The following VWC2L variants were observed in gnomAD, a reference collection of about 807,000 sequenced individuals.
The protein encoded by VWC2L is von Willebrand factor C domain-containing protein 2-like.
VWC2L carries 10 observed loss-of-function variants against 21.6 expected under a neutral mutation model. The observed-to-expected ratio is 0.46, with a 90% CI of 0.29 to 0.78. The LOEUF (loss-of-function observed/expected upper bound fraction) is 0.78, where lower values mean the gene tolerates loss of function less well. Ranked by LOEUF, VWC2L falls within the 30% of genes least tolerant of loss-of-function variation. The pLI is 0.10. For missense variants in VWC2L, 209 were observed against 277.1 expected, an observed-to-expected ratio of 0.75 and a Z score of 1.74; for synonymous variants, 96 against 94.3, an observed-to-expected ratio of 1.02 and a Z score of -0.10.
chr2:214,450,356 C>T (rs1482041316), intron 3 of VWC2L, among the ~76,000 whole-genome samples: 3 of 152,134 alleles, frequency 2.0e-5, no homozygotes, highest in East Asian at 3.9e-4. Flanking sequence ...AGCTGTTCAA[C>T]CCATCACTAT....
rs148556949 is a variant in VWC2L at position 214,532,103 on chromosome 2, G to T, written c.521-43569G>T. On this transcript the variant is annotated intron_variant, in intron 3 of 3. Transcript: ENST00000312504. ...CATGAAATGCAAAGGTAACCATAGA[G>T]ATAGGAAACCTAGGCCAGAGACTGA... Among the ~76,000 whole-genome samples, 3 of 152,248 alleles carry T rather than the reference G, an allele frequency of 2.0e-5. No homozygotes were observed. In the East Asian group the frequency reaches 5.8e-4, roughly 29 times the overall value.
At chr2:214,529,095 G>C (rs1003634592) in intron 3 of VWC2L, among the ~76,000 whole-genome samples, 1 of 152,120 alleles carries the variant, frequency 6.6e-6, no homozygotes, top group Non-Finnish European at 1.5e-5. Context: ...ACAATCACAA[G>C]CTAGACAATG....
intron 3 of VWC2L, among the ~76,000 whole-genome samples, chr2:214,495,115 T>A (rs887157005): frequency 6.6e-6 from 1 of 152,066 alleles, no homozygotes; most frequent in African/African-American, 2.4e-5. Flanking sequence ...TTGCTTTTTT[T>A]ATATTGATTT....
At chr2:214,462,908 G>A (rs2126189396) in intron 3 of VWC2L, among the ~76,000 whole-genome samples, 1 of 152,148 alleles carries the variant, frequency 6.6e-6, no homozygotes, top group Admixed American at 6.5e-5. Context: ...GGTTATATAG[G>A]ATGTGTTGAT....
At chr2:214,548,665 T>C (rs1019974526) in intron 3 of VWC2L, among the ~76,000 whole-genome samples, 3 of 152,212 alleles carry the variant, frequency 2.0e-5, no homozygotes, top group African/African-American at 7.2e-5. Context: ...GGGGCTGCTG[T>C]GATAATAGCT....
At chr2:214,481,614 A>G (rs1311518712) in intron 3 of VWC2L, among the ~76,000 whole-genome samples, 1 of 152,188 alleles carries the variant, frequency 6.6e-6, no homozygotes, top group Non-Finnish European at 1.5e-5. Flanking sequence ...AGCAATACAC[A>G]ACTGATACAT....
At chr2:214,454,966 G>T (rs1703033972) in intron 3 of VWC2L, among the ~76,000 whole-genome samples, 1 of 152,022 alleles carries the variant, frequency 6.6e-6, no homozygotes, top group Non-Finnish European at 1.5e-5. Context: ...TTTTATATAA[G>T]ATCGATTTTA....
intron 3 of VWC2L, among the ~76,000 whole-genome samples, chr2:214,572,491 T>C (rs909479851): frequency 1.3e-5 from 2 of 152,188 alleles, no homozygotes; most frequent in African/African-American, 4.8e-5. Context: ...AAGAAACGTA[T>C]TCCCTTATTT....
intron 3 of VWC2L, among the ~76,000 whole-genome samples, chr2:214,469,981 G>A (rs765408843): frequency 1.2e-4 from 18 of 152,074 alleles, no homozygotes; most frequent in Admixed American, 2.0e-4. Context: ...CCATTGGAAA[G>A]AGAAGAAATT....
At chr2:214,495,950 A>G (rs1482533868) in intron 3 of VWC2L, among the ~76,000 whole-genome samples, 2 of 152,140 alleles carry the variant, frequency 1.3e-5, no homozygotes, top group Non-Finnish European at 2.9e-5. Flanking sequence ...TGTGTTGCTT[A>G]ACATCAAGGA....
intron 3 of VWC2L, among the ~76,000 whole-genome samples, chr2:214,490,161 G>T (rs144258570): frequency 6.6e-5 from 10 of 152,282 alleles, no homozygotes; most frequent in African/African-American, 2.2e-4. Flanking sequence ...AGGCAGAGAT[G>T]CAGCCAAGCT....
At chr2:214,419,350 G>A (rs971634069) in intron 2 of VWC2L, among the ~76,000 whole-genome samples, 20 of 152,220 alleles carry the variant, frequency 1.3e-4, no homozygotes, top group African/African-American at 4.3e-4. Flanking sequence ...AAGTTTATTG[G>A]AAATGTAGGC....
chr2:214,486,076 G>A (rs1184980234), intron 3 of VWC2L, among the ~76,000 whole-genome samples: 1 of 152,058 alleles, frequency 6.6e-6, no homozygotes, highest in Non-Finnish European at 1.5e-5. Flanking sequence ...CACTCTGTCT[G>A]TGTATGTTTG....
intron 3 of VWC2L, among the ~76,000 whole-genome samples, chr2:214,469,780 A>T (rs1703277556): frequency 1.3e-5 from 2 of 152,222 alleles, no homozygotes; most frequent in East Asian, 3.8e-4. Context: ...AGATTCCTGC[A>T]TTTAAGTAAA....
At chr2:214,490,325 C>CT (rs57794391) in intron 3 of VWC2L, among the ~76,000 whole-genome samples, 28,342 of 146,380 alleles carry the variant, frequency 0.19, 2,717 homozygotes, top group East Asian at 0.27. Context: ...AACACTAAAT[C>CT]TTTTTTTTTT....
chr2:214,458,211 T>A (rs1430131758), intron 3 of VWC2L, among the ~76,000 whole-genome samples: 2 of 152,084 alleles, frequency 1.3e-5, no homozygotes, highest in African/African-American at 4.8e-5. Context: ...AGGTTTGCAG[T>A]ATGTTAACAT....
intron 3 of VWC2L, among the ~76,000 whole-genome samples, chr2:214,546,459 C>A (rs1160244272): frequency 6.6e-6 from 1 of 152,094 alleles, no homozygotes; most frequent in African/African-American, 2.4e-5. Context: ...ACTTCTTTAT[C>A]CTAGAAATGG....
chr2:214,506,320 G>A (rs1045252477), intron 3 of VWC2L, among the ~76,000 whole-genome samples: 9 of 152,154 alleles, frequency 5.9e-5, no homozygotes, highest in African/African-American at 2.2e-4. Context: ...CAATGAAGGT[G>A]AGAGACAGCA....
intron 3 of VWC2L, among the ~76,000 whole-genome samples, chr2:214,459,432 T>C (rs190443678): frequency 6.6e-6 from 1 of 152,374 alleles, no homozygotes; most frequent in Non-Finnish European, 1.5e-5. Flanking sequence ...GTTAATTATT[T>C]TCAGATTGCT....
Sources: allele counts gnomAD v4.1 joint callset (sites outside exome capture counted in the v4.1 genomes callset), GRCh38; gene constraint gnomAD v4.1.1; transcripts MANE v1.5; gene names NCBI Gene and HGNC (gene_info 2026-07-23, HGNC 2026-07-21).